Variants in ANKRD42 observed in about 807,000 individuals in gnomAD.
The protein encoded by ANKRD42 is ankyrin repeat domain 42.
A neutral mutation model predicts 51.5 loss-of-function variants in ANKRD42; 43 were observed. The observed-to-expected ratio is 0.83, with a 90% CI of 0.65 to 1.08. ANKRD42 has a LOEUF of 1.08. ANKRD42 is among the 50% of genes least tolerant of loss of function. ANKRD42 has a pLI of 0.00. For synonymous variants in ANKRD42, 203 were observed against 213.0 expected, an observed-to-expected ratio of 0.95 and a Z score of 0.41; for missense variants, 608 against 629.3, an observed-to-expected ratio of 0.97 and a Z score of 0.36.
intron 11 of ANKRD42, among the ~76,000 whole-genome samples, chr11:83,254,082 C>T (rs1863720500): frequency 1.3e-5 from 2 of 152,184 alleles, no homozygotes; most frequent in African/African-American, 2.4e-5. Context: ...TCAAGCAATC[C>T]TCCAGCCTCA....
At chr11:83,231,001 A>G (rs145695175) in intron 7 of ANKRD42, among the ~76,000 whole-genome samples, 2,043 of 152,334 alleles carry the variant, frequency 0.013, 24 homozygotes, top group Middle Eastern at 0.027. Context: ...GCTATTGTGA[A>G]CAATGCTGCA....
rs181411052 is a variant in ANKRD42 at position 83,227,311 on chromosome 11, C to T, written c.788-436C>T. 3.0e-4 allele frequency among the ~76,000 whole-genome samples: 45 copies of T among 152,004 alleles called. 1 individual carries two copies. The highest frequency in any genetic ancestry group is 2.5e-3 in the Admixed American group (38 of 15,250). ...TATTTTTAGTAGAGACAGGGTTTCA[C>T]CATGTTGGCCAGGCTGGTCTTGAAC... On this transcript the variant is annotated intron_variant, in intron 6 of 10. Transcript: ENST00000533342.
intron 7 of ANKRD42, among the ~76,000 whole-genome samples, chr11:83,228,730 A>G (rs969932583): frequency 1.3e-5 from 2 of 152,116 alleles, no homozygotes; most frequent in Admixed American, 6.6e-5. Context: ...TGCTATGTGT[A>G]CCAATGGTTT....
At chr11:83,197,060 A>G (rs1861686840) in intron 1 of ANKRD42, among the ~76,000 whole-genome samples, 1 of 152,076 alleles carries the variant, frequency 6.6e-6, no homozygotes, top group Non-Finnish European at 1.5e-5. Context: ...AGGGATTAAC[A>G]TCACTGAACG....
At chr11:83,194,783 G>A (rs1026229692) in intron 1 of ANKRD42, 55 bp downstream of exon 1, 11 of 1,493,136 alleles carry the variant, frequency 7.4e-6, no homozygotes, top group Admixed American at 6.7e-5. Flanking sequence ...TCTCACTTAA[G>A]CCCGCAACAG....
exon 12 of ANKRD42, chr11:83,256,006 A>G (rs1173980057): frequency 1.8e-6 from 2 of 1,081,522 alleles, no homozygotes; most frequent in African/African-American, 1.6e-5. Context: ...ATGTGAGTCT[A>G]TACAAACTAT....
At chr11:83,243,713 G>C (rs945961446) in intron 9 of ANKRD42, among the ~76,000 whole-genome samples, 7 of 151,278 alleles carry the variant, frequency 4.6e-5, no homozygotes, top group African/African-American at 7.3e-5. Flanking sequence ...CCAGGCTGGA[G>C]TGCAGTGGCG....
At chr11:83,251,767 T>C (rs894267102), downstream of ANKRD42, among the ~76,000 whole-genome samples, 8 of 152,218 alleles carry the variant, frequency 5.3e-5, no homozygotes, top group Non-Finnish European at 1.2e-4. Flanking sequence ...ACTTAAAAAT[T>C]GGTAAGAATT....
chr11:83,236,990 G>A (rs1863243826), intron 8 of ANKRD42, among the ~76,000 whole-genome samples: 1 of 152,176 alleles, frequency 6.6e-6, no homozygotes, highest in Non-Finnish European at 1.5e-5. Flanking sequence ...ATTAAATATA[G>A]CATGTATTTT....
rs919649656 is a variant in ANKRD42 at position 83,210,513 on chromosome 11, C to T, written c.450+94C>T. On this transcript the variant is annotated intron_variant, in intron 4 of 10. Transcript: ENST00000533342. ...TATCTCTTCCTGACTTTTTAGATCTCTTAATATGACTTTGGGAAACTAATT... is the reference window on the plus strand; with the variant it reads ...TATCTCTTCCTGACTTTTTAGATCTTTTAATATGACTTTGGGAAACTAATT... The T allele has an allele frequency of 1.3e-5, 18 of 1,396,050 alleles. No individual in the cohort carries two copies. The African/African-American group carries it at 2.6e-4, about 20-fold the overall frequency. 86.5% of individuals were successfully genotyped at this position (1,396,050 alleles called of 1,614,324 possible).
chr11:83,244,551 G>A (rs1565196890), intron 9 of ANKRD42, among the ~76,000 whole-genome samples: 1 of 152,122 alleles, frequency 6.6e-6, no homozygotes, highest in Non-Finnish European at 1.5e-5. Flanking sequence ...TGTGCACTGT[G>A]AGATGTTTAG....
intron 3 of ANKRD42, among the ~76,000 whole-genome samples, chr11:83,207,981 C>T (rs141534097): frequency 6.6e-6 from 1 of 152,146 alleles, no homozygotes; most frequent in Non-Finnish European, 1.5e-5. Context: ...TTTTCCCCCC[C>T]TCCTCAACCC....
At chr11:83,196,465 T>C (rs1861661587) in intron 1 of ANKRD42, among the ~76,000 whole-genome samples, 1 of 151,904 alleles carries the variant, frequency 6.6e-6, no homozygotes, top group Non-Finnish European at 1.5e-5. Context: ...TCATGCTGTT[T>C]AGGCCTACTC....
At chr11:83,222,803 A>G (rs1590987909) in intron 5 of ANKRD42, among the ~76,000 whole-genome samples, 1 of 152,134 alleles carries the variant, frequency 6.6e-6, no homozygotes, top group African/African-American at 2.4e-5. Context: ...TGTCTTTCTC[A>G]TTGTGTTGCC....
chr11:83,213,529 C>A, intron 5 of ANKRD42: 1 of 1,284,964 alleles, frequency 7.8e-7, no homozygotes, highest in South Asian at 1.7e-5. Flanking sequence ...CTTTCAATTT[C>A]CATTTTCACA....
intron 2 of ANKRD42, among the ~76,000 whole-genome samples, chr11:83,199,913 T>G (rs1171917838): frequency 6.6e-6 from 1 of 152,198 alleles, no homozygotes; most frequent in African/African-American, 2.4e-5. Flanking sequence ...TGTGCCTTTC[T>G]TTGGAGCCTG....
rs1305940915 is a variant in ANKRD42, at chr11:83,248,464, T to A, written c.*260T>A. The A allele has an allele frequency of 5.3e-6, 6 of 1,140,398 alleles. No homozygotes were observed. Among genetic ancestry groups the A allele is most frequent in the East Asian group, 4.4e-5 (1 of 22,614 alleles). The allele number at this position is 1,140,398 out of a possible 1,614,324, so 70.6% of individuals were successfully genotyped here. ...AAGGAGAAAATGTTTTCATAAGTAA[T>A]CAATCAGAATTCTAAGACAGCTAGA... On this transcript the variant is annotated 3_prime_UTR_variant, in exon 11 of 11. Coordinates refer to ENST00000533342, the MANE Select transcript of ANKRD42 (RefSeq NM_001300975.2).
At chr11:83,230,111 G>C (rs1863021890) in intron 7 of ANKRD42, among the ~76,000 whole-genome samples, 1 of 152,070 alleles carries the variant, frequency 6.6e-6, no homozygotes, top group Non-Finnish European at 1.5e-5. Flanking sequence ...GAATGCAATG[G>C]GGCGATCACG....
At chr11:83,201,844 G>A (rs1363932107) in intron 2 of ANKRD42, among the ~76,000 whole-genome samples, 1 of 151,988 alleles carries the variant, frequency 6.6e-6, no homozygotes, top group African/African-American at 2.4e-5. Flanking sequence ...TTTTGATGGG[G>A]TTGTTTTTTT....
Sources: allele counts gnomAD v4.1 joint callset (sites outside exome capture counted in the v4.1 genomes callset), GRCh38; gene constraint gnomAD v4.1.1; transcripts MANE v1.5; gene names NCBI Gene and HGNC (gene_info 2026-07-23, HGNC 2026-07-21).